Variants in PALD1 observed in about 807,000 individuals in gnomAD.
PALD1 encodes paladin.
Under a neutral mutation model 96.0 loss-of-function variants are expected in PALD1, and 57 were observed. The ratio of observed to expected loss-of-function variants is 0.59; its 90% CI spans 0.48 to 0.74. The LOEUF (loss-of-function observed/expected upper bound fraction) is 0.74. Among genes scored for constraint, PALD1 ranks in the 30% least tolerant of loss-of-function variants. The probability of loss-of-function intolerance (pLI) is 0.00; values close to 1 mark genes in which losing one functional copy is unlikely to be tolerated. For missense variants in PALD1, 1,063 were observed against 1,143.7 expected (o/e 0.93, Z 1.02); for synonymous variants, 464 against 473.6 (o/e 0.98, Z 0.26).
At chr10:70,558,664 G>T (rs921223422) in intron 18 of PALD1, among the ~76,000 whole-genome samples, 2 of 151,234 alleles carry the variant, frequency 1.3e-5, no homozygotes, top group Admixed American at 6.6e-5. Context: ...ATTACACGGG[G>T]AGTAAGAAGA....
chr10:70,518,084 G>A (rs1846653578), intron 1 of PALD1, among the ~76,000 whole-genome samples: 1 of 151,968 alleles, frequency 6.6e-6, no homozygotes, highest in Admixed American at 6.6e-5. Flanking sequence ...TGTATTTTTA[G>A]TAGAGATGGG....
At chr10:70,506,154 G>C (rs1412734772) in intron 1 of PALD1, among the ~76,000 whole-genome samples, 2 of 152,156 alleles carry the variant, frequency 1.3e-5, no homozygotes, top group Non-Finnish European at 2.9e-5. Context: ...GTACCCAAAG[G>C]CTAAGATTCA....
chr10:70,497,388 C>T (rs371361124), intron 1 of PALD1, among the ~76,000 whole-genome samples: 15 of 152,172 alleles, frequency 9.9e-5, no homozygotes, highest in Admixed American at 2.6e-4. Flanking sequence ...GCCACAAGGC[C>T]GCCAACTCCC....
intron 18 of PALD1, among the ~76,000 whole-genome samples, chr10:70,556,689 C>G (rs10999396): frequency 0.53 from 80,704 of 151,948 alleles, 22,306 homozygotes; most frequent in Middle Eastern, 0.7. Context: ...GGAGGACTTT[C>G]CTGCTTTATT....
intron 9 of PALD1, 32 bp from the exon 10 acceptor site, chr10:70,534,707 T>G: frequency 4.3e-6 from 3 of 702,978 alleles, no homozygotes; most frequent in Non-Finnish European, 5.0e-6. Flanking sequence ...CCCCCCCACC[T>G]CCCTCTTACT....
At chr10:70,481,643 T>C (rs1904588) in intron 1 of PALD1, among the ~76,000 whole-genome samples, 142,106 of 152,270 alleles carry the variant, frequency 0.93, 66,567 homozygotes, top group East Asian at 1. Flanking sequence ...AGAGGAACTG[T>C]CTGGGGATTC....
chr10:70,477,270 A>T (rs1274827524), upstream of PALD1, among the ~76,000 whole-genome samples: 1 of 152,186 alleles, frequency 6.6e-6, no homozygotes, highest in Non-Finnish European at 1.5e-5. Flanking sequence ...ATGCCTGGAC[A>T]TTACTTGCCC....
chr10:70,484,568 C>T (rs748726298), intron 1 of PALD1, among the ~76,000 whole-genome samples: 2 of 150,216 alleles, frequency 1.3e-5, no homozygotes, highest in Admixed American at 6.7e-5. Context: ...GAGACAGAGT[C>T]TCGGTCTGTT....
Position 70,539,658 on chromosome 10 carries a change from A to T in PALD1, c.1804A>T (p.Thr602Ser). ...GGGCCCCCTGACCTACAGGTTCCAGACCTGCCTTACCATGCAGGAGGTCTT... is the reference window on the plus strand; with the variant it reads ...GGGCCCCCTGACCTACAGGTTCCAGTCCTGCCTTACCATGCAGGAGGTCTT... ...KEGPLTYRFQ[T>S]CLTMQEVFSQ... is the part of the protein sequence containing the mutation. Residue 602 changes from threonine (T) to serine (S), a missense_variant, in exon 15 of 20, where the codon ACC becomes TCC. By Grantham distance (58) the Thr-to-Ser change is moderately conservative. Coordinates refer to ENST00000263563, the MANE Select transcript of PALD1 (RefSeq NM_014431.3). The surrounding 1 kb of genome is among the most constrained non-coding windows in gnomAD (Gnocchi z 4.5). The T allele has an allele frequency of 6.2e-7, 1 of 1,613,456 alleles. No homozygotes were observed.
the PALD1 span, among the ~76,000 whole-genome samples, chr10:70,469,901 C>A: frequency 6.6e-6 from 1 of 152,214 alleles, no homozygotes; most frequent in South Asian, 2.1e-4. Context: ...TCAAGCAATT[C>A]TCCTGCCTCA....
At chr10:70,473,158 G>A in the PALD1 span, among the ~76,000 whole-genome samples, 145 of 152,260 alleles carry the variant, frequency 9.5e-4, 1 homozygote, top group East Asian at 0.025. Flanking sequence ...CCCACCCCTA[G>A]CTGACCTGGA....
Position 70,540,163 on chromosome 10 carries a change from GGT to G in PALD1, c.1908+412_1908+413del, listed in dbSNP as rs1362006725. ...CGGGGTGTGTGTGTATTCTGTTACA[GGT>G]GTGTGTGTGTATTTGTTATAAGGTG... On this transcript the variant is annotated intron_variant, in intron 15 of 19. Coordinates refer to ENST00000263563, the MANE Select transcript of PALD1 (RefSeq NM_014431.3). This position sits in a 1 kb window ranked among gnomAD's most constrained non-coding sequence, Gnocchi z 4.2. Among the ~76,000 whole-genome samples, 2 of 151,492 alleles carry G rather than the reference GGT, an allele frequency of 1.3e-5. No individual in the cohort carries two copies. Among genetic ancestry groups the G allele is most frequent in the Non-Finnish European group, 2.9e-5 (2 of 67,834 alleles).
intron 1 of PALD1, among the ~76,000 whole-genome samples, chr10:70,506,780 C>T (rs1846400242): frequency 6.6e-6 from 1 of 152,154 alleles, no homozygotes; most frequent in South Asian, 2.1e-4. Context: ...GGCAACTCTC[C>T]CTCATGGGTG....
Position 70,539,575 on chromosome 10 carries a change from C to G in PALD1, c.1726-5C>G. On this transcript the variant is annotated splice_region_variant and splice_polypyrimidine_tract_variant and intron_variant, in intron 14 of 19. Coordinates refer to ENST00000263563, the MANE Select transcript of PALD1 (RefSeq NM_014431.3). The surrounding 1 kb of genome is among the most constrained non-coding windows in gnomAD (Gnocchi z 4.5). ...GCCTGTGTCCTCCCTCCTGCCCTTGCCCAGACCCTGGAGGCCCAGCTGAAG... is the reference window on the plus strand; with the variant it reads ...GCCTGTGTCCTCCCTCCTGCCCTTGGCCAGACCCTGGAGGCCCAGCTGAAG... 1 of 1,604,376 alleles carries G rather than the reference C, an allele frequency of 6.2e-7. No individual in the cohort carries two copies. The highest frequency in any genetic ancestry group is 1.1e-5 in the South Asian group (1 of 90,544).
chr10:70,474,989 G>C (rs975514545), upstream of PALD1, among the ~76,000 whole-genome samples: 7 of 152,282 alleles, frequency 4.6e-5, no homozygotes, highest in African/African-American at 1.7e-4. Flanking sequence ...GGCAGGTTCA[G>C]GGCTAGGTCA....
chr10:70,464,361 G>A, the PALD1 span, among the ~76,000 whole-genome samples: 1 of 151,452 alleles, frequency 6.6e-6, no homozygotes, highest in African/African-American at 2.4e-5. Flanking sequence ...ACAGGTGTGT[G>A]CCACCATGCC....
In PALD1 at chr10:70,539,863, T is replaced by C; in HGVS notation, c.1908+101T>C. On this transcript the variant is annotated intron_variant, in intron 15 of 19. Transcript: ENST00000263563. This position sits in a 1 kb window ranked among gnomAD's most constrained non-coding sequence, Gnocchi z 4.5. ...GGGAGAATGAAACGACCCCAGCTTC[T>C]CTACGGGGCCCGGGAATGGTCTCAC... 1 of 1,059,426 alleles carries C rather than the reference T, an allele frequency of 9.4e-7. No individual in the cohort carries two copies. The highest frequency in any genetic ancestry group is 1.4e-6 in the Non-Finnish European group (1 of 730,874). 65.6% of individuals were successfully genotyped at this position (1,059,426 alleles called of 1,614,324 possible).
upstream of PALD1, among the ~76,000 whole-genome samples, chr10:70,474,175 T>C (rs985360572): frequency 7.2e-5 from 11 of 152,154 alleles, no homozygotes; most frequent in African/African-American, 2.4e-4. Flanking sequence ...CTTAGGAACC[T>C]CATTGTTCTG....
At chr10:70,529,483 C>T in intron 3 of PALD1, 152 bp downstream of exon 3, 1 of 594,944 alleles carries the variant, frequency 1.7e-6, no homozygotes, top group Non-Finnish European at 3.0e-6. Context: ...GGAGCTAGCA[C>T]CGTGATCCTC....
Sources: gnomAD v4.1 joint callset for allele counts (sites outside exome capture counted in the v4.1 genomes callset) on GRCh38, gnomAD v4.1.1 for gene constraint, Gnocchi (gnomAD v3.1) non-coding constraint, MANE v1.5 for transcripts, NCBI Gene and HGNC (gene_info 2026-07-23, HGNC 2026-07-21) for gene names.